CPNE5: variants seen among roughly 807,000 people sequenced by gnomAD.
The protein encoded by CPNE5 is copine 5, also known as copine-5.
CPNE5 carries 42 observed loss-of-function variants against 81.1 expected under a neutral mutation model. The observed-to-expected ratio is 0.52, with a 90% confidence interval of 0.40 to 0.67. The LOEUF (loss-of-function observed/expected upper bound fraction) is 0.67. Ranked by LOEUF, CPNE5 falls within the 30% of genes least tolerant of loss-of-function variation. The pLI, the probability that CPNE5 is intolerant of heterozygous loss-of-function variation, is 0.00. For synonymous variants in CPNE5, 313 were observed against 321.5 expected, an observed-to-expected ratio of 0.97 and a Z score of 0.28; for missense variants, 612 against 815.5, an observed-to-expected ratio of 0.75 and a Z score of 3.04.
chr6:36,778,425 C>T (rs1340591541), intron 9 of CPNE5, among the ~76,000 whole-genome samples: 1 of 152,130 alleles, frequency 6.6e-6, no homozygotes, highest in Non-Finnish European at 1.5e-5. Flanking sequence ...TAGCGGGGGG[C>T]CAGACTGGGG....
chr6:36,757,598 A>G (rs1765607658), intron 12 of CPNE5, among the ~76,000 whole-genome samples: 1 of 152,146 alleles, frequency 6.6e-6, no homozygotes, highest in South Asian at 2.1e-4. Context: ...GTGGAGACAT[A>G]TATTGCTTCT....
intron 6 of CPNE5, among the ~76,000 whole-genome samples, chr6:36,794,945 C>T (rs1041097384): frequency 7.2e-5 from 11 of 152,118 alleles, no homozygotes; most frequent in Non-Finnish European, 8.8e-5. Context: ...AGGAACTCTG[C>T]GGGGTGGAGC....
Position 36,812,704 on chromosome 6 carries a change from C to A in CPNE5, c.183+9410G>T, listed in dbSNP as rs536327371. On this transcript the variant is annotated intron_variant, in intron 3 of 20. Coordinates refer to ENST00000244751, the MANE Select transcript of CPNE5 (RefSeq NM_020939.2). ...AAAGTAAAGCTTTGGTCCTGGACTG[C>A]CTAACCCTGATCACGGGGAGTCAGA... Among the ~76,000 whole-genome samples, 307 of 152,310 alleles carry A rather than the reference C, an allele frequency of 2.0e-3. 2 individuals are homozygous for A. The South Asian group carries it at 0.023, about 12-fold the overall frequency.
At chr6:36,822,843 T>C (rs777983677) in intron 2 of CPNE5, among the ~76,000 whole-genome samples, 4 of 152,088 alleles carry the variant, frequency 2.6e-5, no homozygotes, top group Admixed American at 6.6e-5. Context: ...CCTGCTCTGT[T>C]GTGTTGAGGC....
Position 36,746,708 on chromosome 6 carries a change from C to T in CPNE5, c.1019-131G>A, listed in dbSNP as rs534782181. On this transcript the variant is annotated intron_variant, in intron 15 of 20. Transcript: ENST00000244751. The surrounding 1 kb of genome is among the most constrained non-coding windows in gnomAD (Gnocchi z 4.5). ...TCTTGACTCCTCTCTTTCTCTCATA[C>T]CCCATGTTAAATCCTTCAGCAAAAC... The T allele has an allele frequency of 1.1e-3, 864 of 758,956 alleles. 2 individuals carry two copies. The African/African-American group carries it at 0.015, about 13-fold the overall frequency. The allele number at this position is 758,956 out of a possible 1,614,324, so 47.0% of individuals were successfully genotyped here.
intron 12 of CPNE5, among the ~76,000 whole-genome samples, chr6:36,759,247 A>G (rs755287866): frequency 1.6e-3 from 243 of 152,296 alleles, no homozygotes; most frequent in African/African-American, 5.1e-3. Flanking sequence ...TGTTAAAGCA[A>G]TGTTCTGTTC....
chr6:36,794,671 G>A, intron 6 of CPNE5, 22 bp from the exon 7 acceptor site: 1 of 1,612,458 alleles, frequency 6.2e-7, no homozygotes, highest in South Asian at 1.1e-5. Context: ...GAGGGGGAGA[G>A]AGAGCATGCC....
intron 1 of CPNE5, among the ~76,000 whole-genome samples, chr6:36,835,617 G>A (rs963484524): frequency 5.9e-5 from 9 of 152,170 alleles, no homozygotes; most frequent in African/African-American, 2.2e-4. Context: ...CCAACATGGT[G>A]AAACCTTGTC....
chr6:36,794,644 C>T lies in CPNE5; in HGVS notation c.410G>A (p.Gly137Asp), dbSNP rs752496221. ...CGTCCTGGAATTCAGGCTGAATGCGCCTATCCTGTGGAGAGAGAGGGGGAG... is the reference window on the plus strand; with the variant it reads ...CGTCCTGGAATTCAGGCTGAATGCGTCTATCCTGTGGAGAGAGAGGGGGAG... ...GSRLEKPLTI[G>D]AFSLNSRTGK... is the part of the protein sequence containing the mutation. The change falls in exon 7 of 21, where the codon GGC becomes GAC. Residue 137 changes from glycine (G) to aspartate (D), a missense_variant. Coordinates refer to ENST00000244751, the MANE Select transcript of CPNE5 (RefSeq NM_020939.2). 2 of 1,613,796 alleles carry T rather than the reference C, an allele frequency of 1.2e-6. No individual in the cohort carries two copies. Among genetic ancestry groups the T allele is most frequent in the East Asian group, 4.5e-5 (2 of 44,844 alleles).
Position 36,823,227 on chromosome 6 carries a change from G to A in CPNE5, c.96-129C>T, listed in dbSNP as rs1209847007. On this transcript the variant is annotated intron_variant, in intron 1 of 20. Transcript: ENST00000244751. Reference sequence around the variant, plus strand: ...CCTCAGGCAAAACAGTTCCACAATCGTTTATTAGGCTTCATTAAAAGCCAG... The same window carrying A: ...CCTCAGGCAAAACAGTTCCACAATCATTTATTAGGCTTCATTAAAAGCCAG... The A allele has an allele frequency of 2.4e-5, 16 of 654,600 alleles. No individual in the cohort carries two copies. The South Asian group carries it at 4.8e-4, about 19-fold the overall frequency. 40.5% of individuals were successfully genotyped at this position (654,600 alleles called of 1,614,324 possible).
chr6:36,802,210 T>C, intron 3 of CPNE5, among the ~76,000 whole-genome samples: 1 of 82,352 alleles, frequency 1.2e-5, no homozygotes, highest in Non-Finnish European at 2.0e-5. Flanking sequence ...AGAGTGAGAC[T>C]CCATCTCAAA....
chr6:36,832,951 C>G (rs1561832212), intron 1 of CPNE5, among the ~76,000 whole-genome samples: 1 of 152,196 alleles, frequency 6.6e-6, no homozygotes, highest in Non-Finnish European at 1.5e-5. Context: ...CATCCTGTGA[C>G]TTTTTGTGGT....
At chr6:36,784,027 A>C (rs1023927396) in intron 8 of CPNE5, among the ~76,000 whole-genome samples, 1 of 152,242 alleles carries the variant, frequency 6.6e-6, no homozygotes, top group Non-Finnish European at 1.5e-5. Flanking sequence ...TGTGAAATCC[A>C]TTTTAGAAAG....
chr6:36,745,131 C>G lies in CPNE5; in HGVS notation c.1348G>C (p.Asp450His). 1 of 1,613,916 alleles carries G rather than the reference C, an allele frequency of 6.2e-7. No individual in the cohort carries two copies. Among genetic ancestry groups the G allele is most frequent in the Non-Finnish European group, 8.5e-7 (1 of 1,179,906 alleles). Reference protein sequence around the residue: ...HVARNAAAVQDGSQYSVLLII... With the variant: ...HVARNAAAVQHGSQYSVLLII... ...AGCAGCACCGAGTACTGGGAGCCATCCTGCACGGCCGCTGCATTCCTGGGT... is the reference window on the plus strand; with the variant it reads ...AGCAGCACCGAGTACTGGGAGCCATGCTGCACGGCCGCTGCATTCCTGGGT... The change falls in exon 18 of 21, where the codon GAT (aspartate) becomes CAT (histidine). Residue 450 changes from aspartate (D) to histidine (H), a missense_variant. Transcript: ENST00000244751.
intron 3 of CPNE5, among the ~76,000 whole-genome samples, chr6:36,805,064 C>G (rs1051405792): frequency 6.6e-6 from 1 of 152,172 alleles, no homozygotes; most frequent in African/African-American, 2.4e-5. Flanking sequence ...CAGGTCCTGT[C>G]AGGCCCAATT....
At chr6:36,761,374 T>C (rs1766013126) in intron 12 of CPNE5, among the ~76,000 whole-genome samples, 1 of 152,246 alleles carries the variant, frequency 6.6e-6, no homozygotes, top group Non-Finnish European at 1.5e-5. Flanking sequence ...ACACACCTAC[T>C]GTGTGCCCGG....
intron 10 of CPNE5, among the ~76,000 whole-genome samples, chr6:36,773,271 T>C (rs748927241): frequency 6.6e-6 from 1 of 152,126 alleles, no homozygotes; most frequent in Non-Finnish European, 1.5e-5. Context: ...ATGAGCCCCC[T>C]ACCACCTCAC....
chr6:36,747,705 T>C (rs1764333726), intron 15 of CPNE5, among the ~76,000 whole-genome samples: 1 of 152,220 alleles, frequency 6.6e-6, no homozygotes, highest in Admixed American at 6.5e-5. Flanking sequence ...TCATGTAAAG[T>C]TGGGCACTGT....
At chr6:36,765,501 G>GA in intron 10 of CPNE5, 125 bp from the exon 11 acceptor site, 7 of 1,095,970 alleles carry the variant, frequency 6.4e-6, no homozygotes, top group Non-Finnish European at 8.0e-6. Flanking sequence ...CCAGGGCCCT[G>GA]GGTGGGGAGG....
Sources: gnomAD v4.1 joint callset for allele counts (sites outside exome capture counted in the v4.1 genomes callset) on GRCh38, gnomAD v4.1.1 for gene constraint, Gnocchi (gnomAD v3.1) non-coding constraint, MANE v1.5 for transcripts, NCBI Gene and HGNC (gene_info 2026-07-23, HGNC 2026-07-21) for gene names.